Variants in CD36 observed in about 807,000 individuals in gnomAD.
CD36 encodes CD36 molecule (CD36 blood group), also known as platelet glycoprotein 4.
In CD36, 119 loss-of-function variants were observed where a neutral mutation model predicts 55.2. The ratio of observed to expected loss-of-function variants is 2.15; its 90% CI spans 1.86 to 2.51. CD36 has a LOEUF of 2.51. CD36 is among the 30% of genes most tolerant of loss of function. CD36 has a pLI of 0.00. For missense variants in CD36, 819 were observed against 555.5 expected, an observed-to-expected ratio of 1.47 and a Z score of -4.77; for synonymous variants, 186 against 193.6, an observed-to-expected ratio of 0.96 and a Z score of 0.33.
chr7:80,672,541 CA>C (rs1797796660), intron 11 of CD36, among the ~76,000 whole-genome samples: 2 of 151,402 alleles, frequency 1.3e-5, no homozygotes, highest in Admixed American at 1.3e-4. Flanking sequence ...AAGTAACTCA[CA>C]AATCTAACTA....
At chr7:80,654,291 G>T (rs887063008) in intron 3 of CD36, among the ~76,000 whole-genome samples, 1 of 152,132 alleles carries the variant, frequency 6.6e-6, no homozygotes, top group African/African-American at 2.4e-5. Flanking sequence ...TTCATTAAGA[G>T]ATATTAGGTC....
At chr7:80,618,719 G>T (rs764341869) in intron 1 of CD36, among the ~76,000 whole-genome samples, 1 of 152,182 alleles carries the variant, frequency 6.6e-6, no homozygotes, top group Admixed American at 6.5e-5. Flanking sequence ...CTTCGATTCT[G>T]TGAAAGTAAA....
rs1798216079 is a variant in CD36, at chr7:80,678,058, T to C, written c.*1675T>C. On this transcript the variant is annotated 3_prime_UTR_variant, in exon 15 of 15. Coordinates refer to ENST00000447544, the MANE Select transcript of CD36 (RefSeq NM_001001548.3). Reference sequence around the variant, plus strand: ...AATAATTACTTAAGGGGAGATTTTTTTTACATGAAATCTGGGCTTTGGATG... The same window carrying C: ...AATAATTACTTAAGGGGAGATTTTTCTTACATGAAATCTGGGCTTTGGATG... 1.3e-5 allele frequency: 2 copies of C among 149,562 alleles called. No individual in the cohort carries two copies. Among genetic ancestry groups the C allele is most frequent in the South Asian group, 4.3e-4 (2 of 4,634 alleles). 9.3% of individuals were successfully genotyped at this position (149,562 alleles called of 1,614,324 possible).
At position 80,614,025 on chromosome 7, in the gene CD36, C is replaced by T. The variant is rs978966405; in HGVS notation, c.-184+11646C>T. ...TCAAAGGGATATTTTGTATGCCCGG[C>T]TTAGCAGCAGTTGTCTATTTGAAAT... On this transcript the variant is annotated intron_variant, in intron 1 of 13. Coordinates refer to the CD36 transcript ENST00000309881. Among the ~76,000 whole-genome samples the T allele has an allele frequency of 9.2e-5, 14 of 152,182 alleles. No individual in the cohort carries two copies. The South Asian group carries it at 2.1e-3, about 23-fold the overall frequency.
At chr7:80,607,840 C>T (rs932657929) in intron 1 of CD36, among the ~76,000 whole-genome samples, 4 of 152,016 alleles carry the variant, frequency 2.6e-5, no homozygotes, top group Admixed American at 6.6e-5. Flanking sequence ...GGTGCAATTT[C>T]GGCTCACTGC....
chr7:80,633,102 T>C (rs912459637), intron 1 of CD36: 1 of 151,996 alleles, frequency 6.6e-6, no homozygotes, highest in Admixed American at 6.6e-5. Context: ...TCCTATCTAC[T>C]CTATGAACAC....
At chr7:80,616,683 G>A (rs1793178880) in intron 1 of CD36, among the ~76,000 whole-genome samples, 1 of 152,056 alleles carries the variant, frequency 6.6e-6, no homozygotes, top group Non-Finnish European at 1.5e-5. Flanking sequence ...TTTTTATTTT[G>A]TTCATATAAT....
intron 1 of CD36, among the ~76,000 whole-genome samples, chr7:80,641,124 T>G (rs1219352549): frequency 6.6e-6 from 1 of 152,046 alleles, no homozygotes; most frequent in Non-Finnish European, 1.5e-5. Flanking sequence ...TTTTACCAAA[T>G]AACTCTTCTT....
In CD36 at chr7:80,672,750, T is replaced by C; in HGVS notation, c.1126-20T>C. Reference sequence around the variant, plus strand: ...TAATGTTTTTAAAAGTTGGTAATTATTTAGTTGTTCTCTTTTTAGATAACT... The same window carrying C: ...TAATGTTTTTAAAAGTTGGTAATTACTTAGTTGTTCTCTTTTTAGATAACT... On this transcript the variant is annotated intron_variant, in intron 11 of 14. Transcript: ENST00000447544. 1 of 1,547,750 alleles carries C rather than the reference T, an allele frequency of 6.5e-7. No homozygotes were observed. The highest frequency in any genetic ancestry group is 1.1e-5 in the South Asian group (1 of 89,104).
chr7:80,605,841 AGCAGAT>A (rs1168463904), intron 1 of CD36, among the ~76,000 whole-genome samples: 15 of 152,182 alleles, frequency 9.9e-5, no homozygotes, highest in African/African-American at 3.6e-4. Context: ...GGTACATCTA[AGCAGAT>A]GCATAGACAA....
intron 1 of CD36, among the ~76,000 whole-genome samples, chr7:80,628,897 T>C (rs1398016331): frequency 6.6e-6 from 1 of 152,010 alleles, no homozygotes; most frequent in Non-Finnish European, 1.5e-5. Flanking sequence ...GTAGATAAGA[T>C]ACAAATGGTT....
chr7:80,633,372 T>C (rs1794200044), intron 1 of CD36: 1 of 151,992 alleles, frequency 6.6e-6, no homozygotes, highest in Non-Finnish European at 1.5e-5. Context: ...GGTAAGATTA[T>C]TTTCTACTTT....
At position 80,673,035 on chromosome 7, in the gene CD36, A is replaced by G. The variant is rs3211951; in HGVS notation, c.1199+192A>G. ...GATTTTGGAATGGTTTTATGGTTTT[A>G]TTTGAGCATTTGATAGCATCTCTTA... On this transcript the variant is annotated intron_variant, in intron 12 of 14. Transcript: ENST00000447544. The G allele has an allele frequency of 1.4e-3, 816 of 573,432 alleles. 4 individuals are homozygous for G. The highest frequency in any genetic ancestry group is 9.7e-3 in the African/African-American group (518 of 53,246). The allele number at this position is 573,432 out of a possible 1,614,324, so 35.5% of individuals were successfully genotyped here.
intron 1 of CD36, among the ~76,000 whole-genome samples, chr7:80,624,544 C>T (rs1793642669): frequency 1.3e-5 from 2 of 152,038 alleles, no homozygotes; most frequent in South Asian, 4.1e-4. Flanking sequence ...TATACACATG[C>T]TTATATGCAT....
At chr7:80,621,591 A>G (rs1793474270) in intron 1 of CD36, among the ~76,000 whole-genome samples, 1 of 152,222 alleles carries the variant, frequency 6.6e-6, no homozygotes, top group South Asian at 2.1e-4. Context: ...TAGAACAAAA[A>G]TAAGGTATTA....
chr7:80,672,633 T>A, intron 11 of CD36, 137 bp from the exon 12 acceptor site: 1 of 654,836 alleles, frequency 1.5e-6, no homozygotes, highest in African/African-American at 1.8e-5. Flanking sequence ...TAACTATATA[T>A]GCAGTTTTAA....
In CD36 at chr7:80,671,135, G is replaced by GGTGT; in HGVS notation, c.977_978insGTGT (p.Val327CysfsTer27). On this transcript the variant is annotated frameshift_variant, in exon 10 of 15. Coordinates refer to ENST00000447544, the MANE Select transcript of CD36 (RefSeq NM_001001548.3). LOFTEE classifies it high-confidence loss of function. Reference sequence around the variant, plus strand: ...ATCTCAAAAAATTGTACATCATATGGTGTGCTAGACATCAGCAAATGCAAA... The same window carrying GGTGT: ...ATCTCAAAAAATTGTACATCATATGGGTGTTGTGCTAGACATCAGCAAATGCAAA... 1 of 1,612,432 alleles carries GGTGT rather than the reference G, an allele frequency of 6.2e-7. No individual in the cohort carries two copies. The highest frequency in any genetic ancestry group is 8.5e-7 in the Non-Finnish European group (1 of 1,179,064).
chr7:80,674,075 CAG>C lies in CD36; in HGVS notation c.1348_1349del (p.Ser450CysfsTer103). ...TTGGCCTGATAGAAATGATCTTACTCAGTGTTGGTGTGGTGATGTTTGTTGCT... is the reference window on the plus strand; with the variant it reads ...TTGGCCTGATAGAAATGATCTTACTCTGTTGGTGTGGTGATGTTTGTTGCT... ...LLGLIEMILL[S>X]VGVVMFVAFM... On this transcript the variant is annotated frameshift_variant, in exon 14 of 15. Transcript: ENST00000447544. LOFTEE classifies it high-confidence loss of function. The C allele has an allele frequency of 6.2e-7, 1 of 1,611,730 alleles. No individual in the cohort carries two copies. The highest frequency in any genetic ancestry group is 2.2e-5 in the East Asian group (1 of 44,686).
Position 80,671,968 on chromosome 7 carries a change from TG to T in CD36, c.1054del (p.Asp352MetfsTer9). 3.7e-6 allele frequency: 6 copies of T among 1,610,354 alleles called. No homozygotes were observed. Among genetic ancestry groups the T allele is most frequent in the Non-Finnish European group, 5.1e-6 (6 of 1,177,146 alleles). The part of the protein sequence containing the change: ...SLPHFLYASP[D>X]VSEPIDGLNP... ...TTCCTCATTTTCTGTATGCAAGTCCTGATGTTTCAGAACCTATTGATGGATT... is the reference window on the plus strand; with the variant it reads ...TTCCTCATTTTCTGTATGCAAGTCCTATGTTTCAGAACCTATTGATGGATT... On this transcript the variant is annotated frameshift_variant, in exon 11 of 15. Transcript: ENST00000447544. LOFTEE classifies it high-confidence loss of function.
Sources: gnomAD v4.1 joint callset for allele counts (sites outside exome capture counted in the v4.1 genomes callset) on GRCh38, gnomAD v4.1.1 for gene constraint, MANE v1.5 for transcripts, NCBI Gene and HGNC (gene_info 2026-07-23, HGNC 2026-07-21) for gene names.